ADAM2: variants seen among roughly 807,000 people sequenced by gnomAD.
The protein encoded by ADAM2 is disintegrin and metalloproteinase domain-containing protein 2.
ADAM2 carries 101 observed loss-of-function variants against 99.3 expected under a neutral mutation model. The ratio of observed to expected loss-of-function variants is 1.02; its 90% CI spans 0.87 to 1.20. The LOEUF (loss-of-function observed/expected upper bound fraction) is 1.20, where lower values mean the gene tolerates loss of function less well. Among genes scored for constraint, ADAM2 ranks in the 50% most tolerant of loss-of-function variants. The pLI is 0.00. For missense variants in ADAM2, 948 were observed against 878.7 expected (o/e 1.08, Z -1.00); for synonymous variants, 323 against 287.6 (o/e 1.12, Z -1.25).
At chr8:39,801,183 C>T (rs1339971940) in intron 7 of ADAM2, among the ~76,000 whole-genome samples, 1 of 151,974 alleles carries the variant, frequency 6.6e-6, no homozygotes, top group Non-Finnish European at 1.5e-5. Flanking sequence ...GGCTGCTGAC[C>T]CTTGGATGAG....
At chr8:39,749,794 C>T (rs779867352) in intron 16 of ADAM2, 50 bp from the exon 17 acceptor site, 3 of 1,458,906 alleles carry the variant, frequency 2.1e-6, no homozygotes, top group Non-Finnish European at 2.9e-6. Flanking sequence ...TCTAGAGTTG[C>T]CATTTAATTA....
chr8:39,781,531 T>C (rs1803231647), intron 10 of ADAM2, among the ~76,000 whole-genome samples: 1 of 152,220 alleles, frequency 6.6e-6, no homozygotes, highest in African/African-American at 2.4e-5. Context: ...AATATAGTTT[T>C]GGAAATTCAT....
At chr8:39,756,832 A>G (rs1802167688) in intron 15 of ADAM2, among the ~76,000 whole-genome samples, 1 of 152,198 alleles carries the variant, frequency 6.6e-6, no homozygotes, top group African/African-American at 2.4e-5. Context: ...TAGAACATCA[A>G]CCTTAGGCAA....
In ADAM2 at chr8:39,826,495, G is replaced by A. The variant is rs573590395; in HGVS notation, c.189-1598C>T. On this transcript the variant is annotated intron_variant, in intron 3 of 20. Transcript: ENST00000265708. ...TCCCAGCACTTTGGAAAGCCGAGGC[G>A]GGTAGATCACGAGGTCGGGAGATTG... Among the ~76,000 whole-genome samples, 19 of 152,184 alleles carry A rather than the reference G, an allele frequency of 1.2e-4. No individual in the cohort carries two copies. In the South Asian group the frequency reaches 2.3e-3, roughly 18 times the overall value.
chr8:39,780,120 G>A (rs1187985661), intron 10 of ADAM2, among the ~76,000 whole-genome samples: 1 of 152,124 alleles, frequency 6.6e-6, no homozygotes, highest in Non-Finnish European at 1.5e-5. Context: ...GAGGAAGGAA[G>A]AGCAAAGGCA....
intron 19 of ADAM2, 101 bp from the exon 20 acceptor site, chr8:39,744,994 A>G: frequency 2.2e-6 from 2 of 890,254 alleles, no homozygotes; most frequent in Admixed American, 2.3e-5. Flanking sequence ...ATTTTTACCT[A>G]AGAACTGGGT....
At position 39,771,304 on chromosome 8, in the gene ADAM2, A is replaced by G. The variant is rs566913069; in HGVS notation, c.1029-1729T>C. ...CACACTTTAAAAATACCGCTTCCTTACTACCCTTTATTCCCCTTACTGACA... is the reference window on the plus strand; with the variant it reads ...CACACTTTAAAAATACCGCTTCCTTGCTACCCTTTATTCCCCTTACTGACA... On this transcript the variant is annotated intron_variant, in intron 11 of 20. Transcript: ENST00000265708. Among the ~76,000 whole-genome samples the G allele has an allele frequency of 2.0e-5, 3 of 152,350 alleles. No individual in the cohort carries two copies. The East Asian group carries it at 5.8e-4, about 29-fold the overall frequency.
intron 6 of ADAM2, among the ~76,000 whole-genome samples, chr8:39,812,197 A>G (rs1429384391): frequency 1.3e-5 from 2 of 152,210 alleles, no homozygotes; most frequent in Non-Finnish European, 2.9e-5. Context: ...AGAATAAAAT[A>G]CCTAGGAATC....
At chr8:39,746,733 T>C in intron 18 of ADAM2, 102 bp from the exon 19 acceptor site, 1 of 885,738 alleles carries the variant, frequency 1.1e-6, no homozygotes, top group South Asian at 1.8e-5. Flanking sequence ...CTTTGAACAA[T>C]TTAATAATTT....
chr8:39,812,967 T>A (rs1804767060), intron 6 of ADAM2, among the ~76,000 whole-genome samples: 1 of 152,112 alleles, frequency 6.6e-6, no homozygotes. Flanking sequence ...GAGACTACCA[T>A]CAGAGTGAAG....
Position 39,834,019 on chromosome 8 carries a change from A to G in ADAM2, c.133-20T>C. 6.8e-7 allele frequency: 1 copy of G among 1,464,670 alleles called. No homozygotes were observed. The highest frequency in any genetic ancestry group is 9.5e-7 in the Non-Finnish European group (1 of 1,056,288). 90.7% of individuals were successfully genotyped at this position (1,464,670 alleles called of 1,614,324 possible). ...GGATGCCTGGCAGGAGAGCACAGTAAAAATACAAAGAAAATGAAAAAAAAT... is the reference window on the plus strand; with the variant it reads ...GGATGCCTGGCAGGAGAGCACAGTAGAAATACAAAGAAAATGAAAAAAAAT... On this transcript the variant is annotated intron_variant, in intron 2 of 20. Coordinates refer to ENST00000265708, the MANE Select transcript of ADAM2 (RefSeq NM_001464.5).
At chr8:39,830,348 T>C (rs1805565830) in intron 3 of ADAM2, among the ~76,000 whole-genome samples, 1 of 152,128 alleles carries the variant, frequency 6.6e-6, no homozygotes, top group Non-Finnish European at 1.5e-5. Context: ...TGATAGATTG[T>C]TTTTGAAAAT....
chr8:39,755,249 GA>G (rs2129583283), intron 16 of ADAM2, among the ~76,000 whole-genome samples: 1 of 152,216 alleles, frequency 6.6e-6, no homozygotes, highest in African/African-American at 2.4e-5. Flanking sequence ...AATAACCAGC[GA>G]AATAGTCATA....
intron 11 of ADAM2, among the ~76,000 whole-genome samples, chr8:39,773,735 A>G (rs935766017): frequency 1.3e-5 from 2 of 151,496 alleles, no homozygotes; most frequent in Non-Finnish European, 2.9e-5. Context: ...TTCCAAAAAG[A>G]GTTATCCAGT....
rs143851847 is a variant in ADAM2 at position 39,766,964 on chromosome 8, G to T, written c.1391C>A (p.Ser464Ter). Residue 464 changes from serine to a stop codon, truncating the protein, a stop_gained, in exon 14 of 21, where the codon TCA becomes TAA. Transcript: ENST00000265708. LOFTEE classifies it high-confidence loss of function. ...CTGAACATAGTGGTTTTCTGGGCAT[G>T]ATGCAGATGATCCATTGCAATATTC... ...LPEYCNGSSA[S>*]CPENHYVQTG... 7.4e-6 allele frequency: 12 copies of T among 1,614,036 alleles called. No individual in the cohort carries two copies. In the African/African-American group the frequency reaches 1.6e-4, roughly 22 times the overall value.
chr8:39,752,238 CA>C (rs1392654067), intron 16 of ADAM2, among the ~76,000 whole-genome samples: 53 of 152,216 alleles, frequency 3.5e-4, no homozygotes, highest in African/African-American at 1.2e-3. Flanking sequence ...GAATTAGAAG[CA>C]GGTTATATCA....
intron 10 of ADAM2, among the ~76,000 whole-genome samples, chr8:39,781,943 G>C (rs1370030010): frequency 6.6e-6 from 1 of 152,128 alleles, no homozygotes; most frequent in Non-Finnish European, 1.5e-5. Flanking sequence ...CTATTACAAA[G>C]GCACAACTGT....
At chr8:39,788,871 CATT>C in intron 7 of ADAM2, 131 bp from the exon 8 acceptor site, 1 of 480,690 alleles carries the variant, frequency 2.1e-6, no homozygotes, top group South Asian at 7.0e-5. Flanking sequence ...AGTTTTTAGA[CATT>C]ATTTTCTTAT....
chr8:39,746,762 T>C, intron 18 of ADAM2, 131 bp from the exon 19 acceptor site: 1 of 721,944 alleles, frequency 1.4e-6, no homozygotes, highest in Non-Finnish European at 2.1e-6. Flanking sequence ...ACATATTTTC[T>C]ATGAAATAGA....
Sources: gnomAD v4.1 joint callset for allele counts (sites outside exome capture counted in the v4.1 genomes callset) on GRCh38, gnomAD v4.1.1 for gene constraint, MANE v1.5 for transcripts, NCBI Gene and HGNC (gene_info 2026-07-23, HGNC 2026-07-21) for gene names.